COPG2: variants seen among roughly 807,000 people sequenced by gnomAD.
COPG2 encodes the protein coatomer subunit gamma-2.
A neutral mutation model predicts 46.3 loss-of-function variants in COPG2; 37 were observed. That is an observed-to-expected ratio of 0.80 (90% CI 0.61 to 1.05). The LOEUF is 1.05. Ranked by LOEUF, COPG2 falls within the 50% of genes least tolerant of loss-of-function variation. The pLI is 0.00. For missense variants in COPG2, 427 were observed against 387.8 expected (o/e 1.10, Z -0.85); for synonymous variants, 159 against 129.7 (o/e 1.23, Z -1.53).
chr7:130,513,522 A>G (rs1799646087), intron 20 of COPG2, among the ~76,000 whole-genome samples: 1 of 151,232 alleles, frequency 6.6e-6, no homozygotes, highest in Non-Finnish European at 1.5e-5. Context: ...CTGGGTTACA[A>G]CCAAAGAAGG....
intron 16 of COPG2, among the ~76,000 whole-genome samples, chr7:130,550,991 C>T (rs1415014235): frequency 1.3e-5 from 2 of 152,070 alleles, no homozygotes; most frequent in East Asian, 3.9e-4. Flanking sequence ...CAAGGAGAAC[C>T]AGGAATAAGT....
intron 9 of COPG2, among the ~76,000 whole-genome samples, chr7:130,574,439 G>A (rs944368516): frequency 2.6e-5 from 4 of 152,152 alleles, no homozygotes; most frequent in Non-Finnish European, 5.9e-5. Context: ...ACCCAGAAGA[G>A]AGACAACAAT....
chr7:130,667,304 A>G (rs1796105777), intron 2 of COPG2, among the ~76,000 whole-genome samples, 178 bp downstream of exon 2: 1 of 152,186 alleles, frequency 6.6e-6, no homozygotes, highest in South Asian at 2.1e-4. Context: ...GCATTTCTAT[A>G]AGCTCCAAAT....
chr7:130,619,483 T>C (rs1171082694), intron 5 of COPG2, among the ~76,000 whole-genome samples: 4 of 152,208 alleles, frequency 2.6e-5, no homozygotes, highest in Non-Finnish European at 5.9e-5. Context: ...ACGTAAGCTT[T>C]CTCCTCTCTC....
chr7:130,625,557 T>G (rs1463356307), intron 5 of COPG2, among the ~76,000 whole-genome samples: 1 of 152,064 alleles, frequency 6.6e-6, no homozygotes, highest in African/African-American at 2.4e-5. Context: ...GCCTAAAAAA[T>G]TATCCATTAA....
At chr7:130,591,171 G>A (rs1287773064) in intron 9 of COPG2, among the ~76,000 whole-genome samples, 57 of 119,310 alleles carry the variant, frequency 4.8e-4, no homozygotes, top group African/African-American at 6.0e-4. Context: ...CCGGCCAGCC[G>A]CCCCGTCCGG....
intron 5 of COPG2, among the ~76,000 whole-genome samples, chr7:130,639,383 G>T (rs1174843992): frequency 1.3e-5 from 2 of 152,050 alleles, no homozygotes; most frequent in Middle Eastern, 3.2e-3. Context: ...CTACAACTGG[G>T]TCATTTTGGG....
At chr7:130,516,544 A>G (rs1223806910) in intron 20 of COPG2, among the ~76,000 whole-genome samples, 3 of 152,204 alleles carry the variant, frequency 2.0e-5, no homozygotes, top group Non-Finnish European at 2.9e-5. Flanking sequence ...CAAAAATCGC[A>G]AAGAAGGAGA....
At chr7:130,622,376 A>G (rs1428719599) in intron 5 of COPG2, among the ~76,000 whole-genome samples, 4 of 152,196 alleles carry the variant, frequency 2.6e-5, no homozygotes, top group African/African-American at 9.6e-5. Flanking sequence ...TACCTGAAGT[A>G]AGGCAGTAAC....
intron 9 of COPG2, among the ~76,000 whole-genome samples, chr7:130,568,346 A>G (rs1793839262): frequency 1.3e-5 from 2 of 152,212 alleles, no homozygotes; most frequent in Non-Finnish European, 2.9e-5. Context: ...ACTCACATAA[A>G]CTTAAGGTAA....
intron 5 of COPG2, among the ~76,000 whole-genome samples, chr7:130,649,457 T>G (rs1795687654): frequency 6.6e-6 from 1 of 152,210 alleles, no homozygotes. Flanking sequence ...ACACTTTGCT[T>G]GGAAATCTCT....
At chr7:130,531,634 G>A (rs977307900) in intron 20 of COPG2, among the ~76,000 whole-genome samples, 1 of 152,144 alleles carries the variant, frequency 6.6e-6, no homozygotes, top group African/African-American at 2.4e-5. Flanking sequence ...GAGAAAATAA[G>A]GAAGGGAATG....
chr7:130,580,599 C>T (rs1461470574), intron 9 of COPG2, among the ~76,000 whole-genome samples: 1 of 115,404 alleles, frequency 8.7e-6, no homozygotes, highest in African/African-American at 3.7e-5. Context: ...AGACCGCTAG[C>T]AAGACTAATA....
intron 9 of COPG2, among the ~76,000 whole-genome samples, chr7:130,598,268 G>A (rs1794567613): frequency 6.6e-6 from 1 of 152,126 alleles, no homozygotes; most frequent in African/African-American, 2.4e-5. Context: ...AGGGCTTTAG[G>A]GATAGCCCTT....
intron 5 of COPG2, among the ~76,000 whole-genome samples, chr7:130,638,523 T>C (rs1023555784): frequency 5.9e-5 from 9 of 152,234 alleles, no homozygotes; most frequent in Non-Finnish European, 1.0e-4. Flanking sequence ...TTGTTTATAC[T>C]GTGAGCGGAA....
chr7:130,570,357 CAG>C, intron 9 of COPG2, among the ~76,000 whole-genome samples: 1 of 152,146 alleles, frequency 6.6e-6, no homozygotes, highest in Non-Finnish European at 1.5e-5. Context: ...TCAGTAGTTT[CAG>C]GTTACAAAAT....
intron 9 of COPG2, among the ~76,000 whole-genome samples, chr7:130,570,210 C>G (rs1358634502): frequency 5.9e-5 from 9 of 152,100 alleles, no homozygotes; most frequent in African/African-American, 2.2e-4. Flanking sequence ...CCAGAGCAAT[C>G]AAACAAGAGA....
rs1236511164 is a variant in COPG2 at position 130,513,308 on chromosome 7, A to AAAT, written c.2150-4650_2150-4649insATT. 2.3e-4 allele frequency among the ~76,000 whole-genome samples: 13 copies of AAAT among 55,672 alleles called. 1 individual carries two copies. Among genetic ancestry groups the AAAT allele is most frequent in the South Asian group, 7.1e-4 (1 of 1,418 alleles). 36.5% of individuals were successfully genotyped at this position (55,672 alleles called of 152,430 possible). A position where few individuals can be genotyped will look rare whatever the true frequency, so the allele number is the denominator to read the frequency against. On this transcript the variant is annotated intron_variant, in intron 20 of 23. Transcript: ENST00000425248. ...TTCTGTCTAAAAAAAAAAAAAAAAAAATATATATATATATATATATATATA... is the reference window on the plus strand; with the variant it reads ...TTCTGTCTAAAAAAAAAAAAAAAAAAAATATATATATATATATATATATATATA...
intron 9 of COPG2, among the ~76,000 whole-genome samples, chr7:130,583,805 CAAAAAAAAAAAAAAAAAAAA>C (rs1168370976): frequency 8.1e-5 from 1 of 12,322 alleles, no homozygotes; most frequent in Admixed American, 1.5e-3. Context: ...GACTCCATCT[CAAAAAAAAAAAAAAAAAAAA>C]AAAAAAAAAA....
Sources: gnomAD v4.1 joint callset for allele counts (sites outside exome capture counted in the v4.1 genomes callset) on GRCh38, gnomAD v4.1.1 for gene constraint, MANE v1.5 for transcripts, NCBI Gene and HGNC (gene_info 2026-07-23, HGNC 2026-07-21) for gene names.